Variants in GALNT18 observed in about 807,000 individuals in gnomAD.
The protein encoded by GALNT18 is GalNAc-transferase 18.
Under a neutral mutation model 69.5 loss-of-function variants are expected in GALNT18, and 44 were observed. The observed-to-expected ratio is 0.63, with a 90% CI of 0.50 to 0.81. The LOEUF (loss-of-function observed/expected upper bound fraction) is 0.81. Among genes scored for constraint, GALNT18 ranks in the 40% least tolerant of loss-of-function variants. The pLI is 0.00. For missense variants in GALNT18, 715 were observed against 810.0 expected, an observed-to-expected ratio of 0.88 and a Z score of 1.42; for synonymous variants, 364 against 318.2, an observed-to-expected ratio of 1.14 and a Z score of -1.53.
chr11:11,506,417 C>T (rs905532078), intron 1 of GALNT18, among the ~76,000 whole-genome samples: 1 of 152,104 alleles, frequency 6.6e-6, no homozygotes, highest in Non-Finnish European at 1.5e-5. Flanking sequence ...CCATCTAGAC[C>T]CTGTCCAGAT....
intron 1 of GALNT18, among the ~76,000 whole-genome samples, chr11:11,536,851 T>C (rs575193317): frequency 5.1e-4 from 78 of 152,278 alleles, no homozygotes; most frequent in African/African-American, 1.8e-3. Context: ...CTTCATAAAG[T>C]GGTGCTTCAA....
chr11:11,448,677 C>A (rs1855716907), intron 2 of GALNT18, 67 bp downstream of exon 2: 5 of 1,396,218 alleles, frequency 3.6e-6, no homozygotes, highest in Middle Eastern at 5.0e-4. Context: ...GCTCTGTTCC[C>A]AGCACTCTGG....
chr11:11,558,851 T>C (rs1858395144), intron 1 of GALNT18, among the ~76,000 whole-genome samples: 1 of 152,184 alleles, frequency 6.6e-6, no homozygotes, highest in Non-Finnish European at 1.5e-5. Context: ...GGAGGAGTGG[T>C]TACTGGAGTC....
intron 10 of GALNT18, among the ~76,000 whole-genome samples, chr11:11,275,369 AC>A (rs1410997410): frequency 6.6e-6 from 1 of 151,936 alleles, no homozygotes; most frequent in Non-Finnish European, 1.5e-5. Context: ...CATATCCTTT[AC>A]CCACTTTTAG....
chr11:11,555,568 T>C lies in GALNT18; in HGVS notation c.235+65791A>G, dbSNP rs961870536. Among the ~76,000 whole-genome samples the C allele has an allele frequency of 2.0e-5, 3 of 152,222 alleles. No individual in the cohort carries two copies. Among genetic ancestry groups the C allele is most frequent in the African/African-American group, 7.2e-5 (3 of 41,470 alleles). On this transcript the variant is annotated intron_variant, in intron 1 of 10. Coordinates refer to ENST00000227756, the MANE Select transcript of GALNT18 (RefSeq NM_198516.3). This position sits in a 1 kb window ranked among gnomAD's most constrained non-coding sequence, Gnocchi z 4.7. The stretch of plus-strand genomic sequence containing the variant: ...TTTAGACTTCTAATCTCCAGAACTA[T>C]GAGAGAATAAATTCCTGTTGTTTTA...
intron 1 of GALNT18, among the ~76,000 whole-genome samples, chr11:11,484,492 C>T (rs1013232350): frequency 6.7e-6 from 1 of 148,738 alleles, no homozygotes; most frequent in East Asian, 2.0e-4. Flanking sequence ...ACTTAGGAGG[C>T]TGAGGCAGGA....
chr11:11,321,796 G>C (rs1849843896), intron 9 of GALNT18, among the ~76,000 whole-genome samples: 1 of 152,190 alleles, frequency 6.6e-6, no homozygotes, highest in Admixed American at 6.5e-5. Flanking sequence ...GTAGAGACAG[G>C]GTTTTGCCAT....
chr11:11,320,925 T>C lies in GALNT18; in HGVS notation c.1512+6161A>G, dbSNP rs943654353. On this transcript the variant is annotated intron_variant, in intron 9 of 10. Coordinates refer to ENST00000227756, the MANE Select transcript of GALNT18 (RefSeq NM_198516.3). This position sits in a 1 kb window ranked among gnomAD's most constrained non-coding sequence, Gnocchi z 4.9. ...TACACAGCACTGCTAGTTGTGCATCTGAGCATGGCCTGGCGTGAAAGGTCA... is the reference window on the plus strand; with the variant it reads ...TACACAGCACTGCTAGTTGTGCATCCGAGCATGGCCTGGCGTGAAAGGTCA... Among the ~76,000 whole-genome samples, 1 of 152,212 alleles carries C rather than the reference T, an allele frequency of 6.6e-6. No individual in the cohort carries two copies. The highest frequency in any genetic ancestry group is 2.4e-5 in the African/African-American group (1 of 41,452).
chr11:11,621,418 G>A lies in GALNT18; in HGVS notation c.176C>T (p.Thr59Ile). The change falls in exon 1 of 11, where the codon ACT becomes ATT. Residue 59 changes from threonine (T) to isoleucine (I), a missense_variant. Physicochemically the swap from Thr to Ile is moderately conservative, Grantham distance 89. Coordinates refer to ENST00000227756, the MANE Select transcript of GALNT18 (RefSeq NM_198516.3). This position sits in a 1 kb window ranked among gnomAD's most constrained non-coding sequence, Gnocchi z 9.3. Reference protein sequence around the residue: ...DKKLEEDKGDTLKIIERLDHL... With the variant: ...DKKLEEDKGDILKIIERLDHL... ...GTCCAGCCGCTCAATAATCTTCAGA[G>A]TGTCCCCTTTGTCTTCCTCCAGCTT... 1 of 1,614,150 alleles carries A rather than the reference G, an allele frequency of 6.2e-7. No individual in the cohort carries two copies. Among genetic ancestry groups the A allele is most frequent in the Non-Finnish European group, 8.5e-7 (1 of 1,180,034 alleles).
chr11:11,516,944 C>T lies in GALNT18; in HGVS notation c.236-68008G>A, dbSNP rs76991655. Among the ~76,000 whole-genome samples, 1,068 of 152,318 alleles carry T rather than the reference C, an allele frequency of 7.0e-3. 9 individuals carry two copies. Among genetic ancestry groups the T allele is most frequent in the South Asian group, 0.031 (148 of 4,826 alleles). On this transcript the variant is annotated intron_variant, in intron 1 of 10. Coordinates refer to ENST00000227756, the MANE Select transcript of GALNT18 (RefSeq NM_198516.3). ...GTTCATACGGTGAAATCCTAACCCCCAAGGTGGTGGTACTAGGAGGTGGGG... is the reference window on the plus strand; with the variant it reads ...GTTCATACGGTGAAATCCTAACCCCTAAGGTGGTGGTACTAGGAGGTGGGG...
intron 6 of GALNT18, among the ~76,000 whole-genome samples, chr11:11,349,541 A>G (rs974230265): frequency 3.3e-5 from 5 of 152,208 alleles, no homozygotes; most frequent in African/African-American, 1.2e-4. Context: ...TCCCCTGATT[A>G]CTAGTGAGAG....
chr11:11,352,485 C>G (rs1850432257), intron 6 of GALNT18: 1 of 1,614,014 alleles, frequency 6.2e-7, no homozygotes, highest in Admixed American at 1.7e-5. Context: ...CATATCCAAA[C>G]TATAATCGTA....
chr11:11,547,393 CCAGCTA>C (rs1858081808), intron 1 of GALNT18, among the ~76,000 whole-genome samples: 3 of 152,200 alleles, frequency 2.0e-5, no homozygotes, highest in Admixed American at 1.3e-4. Context: ...GCATTCAAAG[CCAGCTA>C]CAGATAATAA....
In GALNT18 at chr11:11,598,292, C is replaced by A. The variant is rs981904891; in HGVS notation, c.235+23067G>T. The stretch of plus-strand genomic sequence containing the variant: ...TGGCTTAAAACAACAGAAACTTATT[C>A]TCTAACAATTCTGGAGGCCAGAAGT... On this transcript the variant is annotated intron_variant, in intron 1 of 10. Coordinates refer to ENST00000227756, the MANE Select transcript of GALNT18 (RefSeq NM_198516.3). The surrounding 1 kb of genome is among the most constrained non-coding windows in gnomAD (Gnocchi z 4.8). Among the ~76,000 whole-genome samples, 1 of 152,120 alleles carries A rather than the reference C, an allele frequency of 6.6e-6. No individual in the cohort carries two copies. The highest frequency in any genetic ancestry group is 6.5e-5 in the Admixed American group (1 of 15,280).
At chr11:11,448,435 T>A (rs1658544470) in intron 2 of GALNT18, among the ~76,000 whole-genome samples, 1 of 152,236 alleles carries the variant, frequency 6.6e-6, no homozygotes, top group South Asian at 2.1e-4. Context: ...AAAATGCAAC[T>A]AATTGGGTTA....
intron 1 of GALNT18, among the ~76,000 whole-genome samples, chr11:11,556,603 C>A (rs1858338579): frequency 6.6e-6 from 1 of 152,240 alleles, no homozygotes; most frequent in Non-Finnish European, 1.5e-5. Context: ...TTGTGCCATG[C>A]AGCTACAGAC....
intron 1 of GALNT18, among the ~76,000 whole-genome samples, chr11:11,514,848 T>G (rs1857239679): frequency 6.6e-6 from 1 of 151,930 alleles, no homozygotes; most frequent in Non-Finnish European, 1.5e-5. Flanking sequence ...TGAGGGCAAG[T>G]GAAGGATCTG....
At chr11:11,329,008 G>A (rs34032045) in intron 8 of GALNT18, among the ~76,000 whole-genome samples, 3,940 of 152,120 alleles carry the variant, frequency 0.026, 82 homozygotes, top group Non-Finnish European at 0.039. Flanking sequence ...CCATCCCTTA[G>A]GCAGGTAGTC....
At chr11:11,529,832 G>C (rs1013909296) in intron 1 of GALNT18, among the ~76,000 whole-genome samples, 1 of 152,170 alleles carries the variant, frequency 6.6e-6, no homozygotes, top group African/African-American at 2.4e-5. Flanking sequence ...GAGTGTGTAT[G>C]TGTGTGAGTG....
Sources: gnomAD v4.1 joint callset for allele counts (sites outside exome capture counted in the v4.1 genomes callset) on GRCh38, gnomAD v4.1.1 for gene constraint, Gnocchi (gnomAD v3.1) non-coding constraint, MANE v1.5 for transcripts, NCBI Gene and HGNC (gene_info 2026-07-23, HGNC 2026-07-21) for gene names.